The following MYO9B variants were observed in gnomAD, a reference collection of about 807,000 sequenced individuals.
MYO9B encodes the protein myosin IXB.
MYO9B carries 71 observed loss-of-function variants against 229.5 expected under a neutral mutation model. That is an observed-to-expected ratio of 0.31 (90% CI 0.26 to 0.38). The LOEUF is 0.38. Among genes scored for constraint, MYO9B ranks in the 10% least tolerant of loss-of-function variants. The pLI is 1.00. For missense variants in MYO9B, 2,255 were observed against 2,920.5 expected (o/e 0.77, Z 5.25); for synonymous variants, 1,185 against 1,235.8 (o/e 0.96, Z 0.86).
At chr19:17,137,209 CAA>C (rs1384981803) in intron 2 of MYO9B, among the ~76,000 whole-genome samples, 1 of 130,496 alleles carries the variant, frequency 7.7e-6, no homozygotes, top group East Asian at 2.3e-4. Context: ...GCCTGGGCAA[CAA>C]GAGCAAACTG....
chr19:17,077,757 C>G (rs1352542775), intron 1 of MYO9B, among the ~76,000 whole-genome samples: 1 of 152,192 alleles, frequency 6.6e-6, no homozygotes. Flanking sequence ...CTCACAGCAC[C>G]CCCACTCTCC....
intron 35 of MYO9B, chr19:17,207,871 G>A (rs1360977340): frequency 2.0e-5 from 3 of 152,168 alleles, no homozygotes; most frequent in Non-Finnish European, 2.9e-5. Flanking sequence ...TTAGCCGGGC[G>A]TGGTGGCGCA....
At chr19:17,144,969 C>CAAAAAAAAAAAA (rs58527501) in intron 2 of MYO9B, among the ~76,000 whole-genome samples, 1 of 83,554 alleles carries the variant, frequency 1.2e-5, no homozygotes, top group Non-Finnish European at 2.8e-5. Context: ...GACTTCATCT[C>CAAAAAAAAAAAA]AAAAAAAAAA....
chr19:17,159,410 T>C lies in MYO9B; in HGVS notation c.1345T>C (p.Leu449=). ...SQLLKVKREI[L]VEVLTKRKTV... ...CTCCAAACAGGTGAAGCGAGAAATC[T>C]TGGTGGAGGTTCTGACCAAAAGAAA... is the stretch of plus-strand genomic sequence containing the variant. Residue 449 remains leucine (L), a synonymous_variant, in exon 8 of 40, where the codon TTG becomes CTG. Coordinates refer to ENST00000682292, the MANE Select transcript of MYO9B (RefSeq NM_004145.4). 2 of 1,608,142 alleles carry C rather than the reference T, an allele frequency of 1.2e-6. No homozygotes were observed. Among genetic ancestry groups the C allele is most frequent in the South Asian group, 1.1e-5 (1 of 89,728 alleles).
At chr19:17,175,444 G>A (rs2072775640) in intron 13 of MYO9B, among the ~76,000 whole-genome samples, 1 of 151,844 alleles carries the variant, frequency 6.6e-6, no homozygotes, top group Non-Finnish European at 1.5e-5. Flanking sequence ...AATTAGCTGG[G>A]CACAGTGGCC....
intron 2 of MYO9B, among the ~76,000 whole-genome samples, chr19:17,129,012 G>A (rs184293494): frequency 7.9e-5 from 12 of 152,296 alleles, no homozygotes; most frequent in African/African-American, 2.4e-4. Context: ...TGGCCTTGAC[G>A]GGACAGGGGA....
intron 24 of MYO9B, among the ~76,000 whole-genome samples, chr19:17,199,626 G>A (rs948710058): frequency 2.0e-5 from 3 of 150,776 alleles, no homozygotes; most frequent in Middle Eastern, 3.2e-3. Context: ...CGATTCTCCT[G>A]CCTCAGCCTC....
rs1480211943 is a variant in MYO9B at position 17,212,222 on chromosome 19, A to T, written c.6386A>T (p.Glu2129Val). The change falls in exon 40 of 40, where the codon GAG becomes GTG. Residue 2129 changes from glutamate to valine, a missense_variant. This residue lies in a region of MYO9B where 331 missense variants were observed against 332.5 expected (regional missense o/e 1.00). Coordinates refer to ENST00000682292, the MANE Select transcript of MYO9B (RefSeq NM_004145.4). The surrounding 1 kb of genome is among the most constrained non-coding windows in gnomAD (Gnocchi z 5.4). ...PVQGALEPLE[E>V]DGQPPGAKRR... ...CAGGGCGCCCTGGAGCCCCTAGAAG[A>T]GGATGGCCAGCCACCTGGGGCCAAG... 1 of 1,582,824 alleles carries T rather than the reference A, an allele frequency of 6.3e-7. No individual in the cohort carries two copies. The highest frequency in any genetic ancestry group is 8.6e-7 in the Non-Finnish European group (1 of 1,166,290).
At chr19:17,114,353 T>A (rs2057879283) in intron 2 of MYO9B, among the ~76,000 whole-genome samples, 1 of 152,146 alleles carries the variant, frequency 6.6e-6, no homozygotes, top group African/African-American at 2.4e-5. Context: ...CCCTCGTCCC[T>A]TGGGGGAGGT....
In MYO9B at chr19:17,186,055, G is replaced by A; in HGVS notation, c.2577+54G>A. 3.3e-6 allele frequency: 5 copies of A among 1,524,324 alleles called. No homozygotes were observed. In the South Asian group the frequency reaches 5.6e-5, roughly 17 times the overall value. 94.4% of individuals were successfully genotyped at this position (1,524,324 alleles called of 1,614,324 possible). ...GAAGGCCCATGCCGGACTCTTAGGG[G>A]TGTCGGTGTCCCTGCATCCAGCCCC... On this transcript the variant is annotated intron_variant, in intron 18 of 39. Coordinates refer to ENST00000682292, the MANE Select transcript of MYO9B (RefSeq NM_004145.4).
At chr19:17,209,440 T>C in intron 35 of MYO9B, 146 bp from the exon 36 acceptor site, 1 of 778,370 alleles carries the variant, frequency 1.3e-6, no homozygotes. Context: ...TCACACTGCA[T>C]GGGAGCTGGC....
In MYO9B at chr19:17,194,752, T is replaced by TC; in HGVS notation, c.3331dup (p.Leu1111ProfsTer7). ...GCCTGAGGTGCAGCCAAGTGACAGG[T>TC]CCCCCCTAGAGCACTCCTCACCTGA... is the stretch of plus-strand genomic sequence containing the variant. On this transcript the variant is annotated frameshift_variant, in exon 22 of 40. Transcript: ENST00000682292. LOFTEE classifies it high-confidence loss of function. The TC allele has an allele frequency of 6.2e-7, 1 of 1,611,826 alleles. No individual in the cohort carries two copies. Among genetic ancestry groups the TC allele is most frequent in the Non-Finnish European group, 8.5e-7 (1 of 1,179,554 alleles).
chr19:17,110,670 G>A lies in MYO9B; in HGVS notation c.840+8113G>A, dbSNP rs556483734. On this transcript the variant is annotated intron_variant, in intron 2 of 39. Transcript: ENST00000682292. ...AATAAGGATCCTTGCTTGTCAGGCTGTTGTCCCAAGGGTCCCTGGACTCCA... is the reference window on the plus strand; with the variant it reads ...AATAAGGATCCTTGCTTGTCAGGCTATTGTCCCAAGGGTCCCTGGACTCCA... 9.2e-5 allele frequency among the ~76,000 whole-genome samples: 14 copies of A among 152,290 alleles called. No homozygotes were observed. The South Asian group carries it at 2.7e-3, about 29-fold the overall frequency.
At chr19:17,206,192 G>A in intron 32 of MYO9B, 40 bp downstream of exon 32, 2 of 1,604,660 alleles carry the variant, frequency 1.2e-6, no homozygotes, top group South Asian at 1.1e-5. Flanking sequence ...CCAGGCCCCA[G>A]GCACAGCCGT....
intron 19 of MYO9B, 37 bp from the exon 20 acceptor site, chr19:17,191,056 ACACT>A: frequency 1.3e-6 from 2 of 1,597,192 alleles, no homozygotes; most frequent in Non-Finnish European, 1.7e-6. Context: ...GCTGGCCAGA[ACACT>A]CACCTAGATT....
At chr19:17,144,461 G>A (rs1435549986) in intron 2 of MYO9B, among the ~76,000 whole-genome samples, 1 of 151,732 alleles carries the variant, frequency 6.6e-6, no homozygotes, top group African/African-American at 2.4e-5. Context: ...GCCAGGCGTG[G>A]TGGTGCATGC....
chr19:17,175,604 A>G, intron 13 of MYO9B, 59 bp from the exon 14 acceptor site: 1 of 1,324,102 alleles, frequency 7.6e-7, no homozygotes, highest in Non-Finnish European at 1.0e-6. Context: ...ATGGGTTAAA[A>G]TAATTGCAGC....
At chr19:17,092,654 G>A (rs1341773703) in intron 1 of MYO9B, among the ~76,000 whole-genome samples, 2 of 150,238 alleles carry the variant, frequency 1.3e-5, no homozygotes, top group African/African-American at 4.9e-5. Context: ...GAACCCAGTA[G>A]GCAGAGGTTG....
At chr19:17,165,340 G>A (rs543071779) in intron 10 of MYO9B, among the ~76,000 whole-genome samples, 3 of 150,278 alleles carry the variant, frequency 2.0e-5, no homozygotes, top group South Asian at 4.2e-4. Context: ...CAGCCTGGGT[G>A]ACAGACGAGA....
Sources: gnomAD v4.1 joint callset for allele counts (sites outside exome capture counted in the v4.1 genomes callset) on GRCh38, gnomAD v4.1.1 for gene constraint, gnomAD v4.1.1 regional missense constraint, Gnocchi (gnomAD v3.1) non-coding constraint, MANE v1.5 for transcripts, NCBI Gene and HGNC (gene_info 2026-07-23, HGNC 2026-07-21) for gene names.